Variants in NECAB3 observed in about 807,000 individuals in gnomAD.
The protein encoded by NECAB3 is N-terminal EF-hand calcium binding protein 3, also known as N-terminal EF-hand calcium-binding protein 3.
NECAB3 carries 38 observed loss-of-function variants against 57.2 expected under a neutral mutation model. The ratio of observed to expected loss-of-function variants is 0.66; its 90% CI spans 0.51 to 0.87. The LOEUF is 0.87. Ranked by LOEUF, NECAB3 falls within the 40% of genes least tolerant of loss-of-function variation. The pLI is 0.00. For missense variants in NECAB3, 474 were observed against 527.5 expected, an observed-to-expected ratio of 0.90 and a Z score of 0.99; for synonymous variants, 223 against 222.6, an observed-to-expected ratio of 1.00 and a Z score of -0.02.
intron 9 of NECAB3, 76 bp from the exon 10 acceptor site, chr20:33,658,630 G>C: frequency 6.2e-7 from 1 of 1,602,072 alleles, no homozygotes; most frequent in South Asian, 1.1e-5. Context: ...GGCCTCATGG[G>C]AACCCTGACC....
chr20:33,672,785 G>A (rs2017855846), intron 1 of NECAB3, among the ~76,000 whole-genome samples: 1 of 152,164 alleles, frequency 6.6e-6, no homozygotes, highest in South Asian at 2.1e-4. Flanking sequence ...TGAGGAGATG[G>A]GCCAGGTTGT....
chr20:33,663,941 T>C, intron 5 of NECAB3: 1 of 1,295,460 alleles, frequency 7.7e-7, no homozygotes, highest in Non-Finnish European at 1.0e-6. Context: ...CGGAGGCGTC[T>C]GGGCGCGGAG....
chr20:33,674,529 C>T (rs781298632), upstream of NECAB3: 1 of 488,152 alleles, frequency 2.0e-6, no homozygotes, highest in Admixed American at 6.2e-5. Flanking sequence ...AACTCCAGCG[C>T]CGCGGGCCTC....
rs754293874 is a variant in NECAB3 at position 33,659,873 on chromosome 20, C to T, written c.643+12G>A. ...TGCCTCGGCCAGGCCTCCCACCCCA[C>T]CCCAGGCGCACCTGTGTCAGAAGAG... On this transcript the variant is annotated intron_variant, in intron 7 of 11. Coordinates refer to ENST00000246190, the MANE Select transcript of NECAB3 (RefSeq NM_031232.4). The T allele has an allele frequency of 1.2e-5, 18 of 1,542,270 alleles. No homozygotes were observed. In the South Asian group the frequency reaches 1.9e-4, roughly 16 times the overall value.
intron 8 of NECAB3, 35 bp downstream of exon 8, chr20:33,659,462 G>T: frequency 1.4e-6 from 2 of 1,435,484 alleles, no homozygotes; most frequent in Non-Finnish European, 1.8e-6. Context: ...CCCCAGACAC[G>T]GCCATCCAGC....
intron 8 of NECAB3, among the ~76,000 whole-genome samples, chr20:33,659,079 C>G (rs1248836423): frequency 6.6e-6 from 1 of 152,282 alleles, no homozygotes; most frequent in Admixed American, 6.5e-5. Context: ...CATGAGCCAT[C>G]ACACCTGGCC....
At chr20:33,672,102 G>C (rs1354409180) in intron 2 of NECAB3, 16 of 484,594 alleles carry the variant, frequency 3.3e-5, no homozygotes, top group Non-Finnish European at 5.6e-5. Flanking sequence ...GCTGGTGGTT[G>C]TGAGGACAAC....
chr20:33,673,525 A>G (rs931651489), intron 1 of NECAB3, among the ~76,000 whole-genome samples: 2 of 152,086 alleles, frequency 1.3e-5, no homozygotes, highest in African/African-American at 2.4e-5. Context: ...CTGACCTGAG[A>G]CATATCCCCT....
At chr20:33,671,155 C>A (rs568686941) in intron 2 of NECAB3, among the ~76,000 whole-genome samples, 1 of 152,302 alleles carries the variant, frequency 6.6e-6, no homozygotes, top group East Asian at 1.9e-4. Context: ...GGGGACCAGC[C>A]TCACTGCAGG....
chr20:33,658,508 C>A lies in NECAB3; in HGVS notation c.1039G>T (p.Glu347Ter). Residue 347 changes from glutamate (E) to a stop codon, truncating the protein, a stop_gained, in exon 10 of 12, where the codon GAG (glutamate) becomes TAG (stop). Coordinates refer to ENST00000246190, the MANE Select transcript of NECAB3 (RefSeq NM_031232.4). LOFTEE classifies it high-confidence loss of function. ...CAGGAGGCCTCATCCTGCCAGAACTCATACAGGGTGAAGGAGGCACCGTCC... is the reference window on the plus strand; with the variant it reads ...CAGGAGGCCTCATCCTGCCAGAACTAATACAGGGTGAAGGAGGCACCGTCC... ...MLDGASFTLY[E>*]FWQDEASWRR... 1 of 1,614,076 alleles carries A rather than the reference C, an allele frequency of 6.2e-7. No homozygotes were observed. The highest frequency in any genetic ancestry group is 8.5e-7 in the Non-Finnish European group (1 of 1,179,992).
rs778443477 is a variant in NECAB3, at chr20:33,660,741, G to A, written c.388-346C>T. ...CCCAGCCACAGCTAGGCTGGGTGGG[G>A]GCTATCACGAGGTATCCAAGGGCCA... is the stretch of plus-strand genomic sequence containing the variant. On this transcript the variant is annotated intron_variant, in intron 5 of 11. Coordinates refer to ENST00000246190, the MANE Select transcript of NECAB3 (RefSeq NM_031232.4). The surrounding 1 kb of genome is among the most constrained non-coding windows in gnomAD (Gnocchi z 4.1). 2.0e-5 allele frequency among the ~76,000 whole-genome samples: 3 copies of A among 152,164 alleles called. No homozygotes were observed. The highest frequency in any genetic ancestry group is 4.4e-5 in the Non-Finnish European group (3 of 68,026).
Position 33,659,654 on chromosome 20 carries a change from T to G in NECAB3, c.722A>C (p.Lys241Thr), listed in dbSNP as rs1165514604. The change falls in exon 8 of 12, where the codon AAG becomes ACG. Residue 241 changes from lysine to threonine, a missense_variant. Transcript: ENST00000246190. ...LQELIDQLEC[K>T]VRAVGPGPHK... ...GGGCCCTGGCCCCACGGCCCTCACC[T>G]TGCACTCGAGCTGGTCGATGAGCTC... The G allele has an allele frequency of 1.9e-6, 3 of 1,611,074 alleles. No individual in the cohort carries two copies. In the Admixed American group the frequency reaches 5.0e-5, roughly 27 times the overall value.
At chr20:33,665,942 G>C (rs190902053) in intron 5 of NECAB3, among the ~76,000 whole-genome samples, 238 of 152,288 alleles carry the variant, frequency 1.6e-3, no homozygotes, top group African/African-American at 5.6e-3. Flanking sequence ...AATTAGCCGC[G>C]TATGGTGGTG....
intron 2 of NECAB3, chr20:33,672,102 G>A (rs1354409180): frequency 8.3e-6 from 4 of 484,594 alleles, no homozygotes; most frequent in African/African-American, 3.9e-5. Context: ...GCTGGTGGTT[G>A]TGAGGACAAC....
chr20:33,659,783 G>C (rs1456683041), intron 7 of NECAB3, 51 bp from the exon 8 acceptor site: 2 of 1,536,246 alleles, frequency 1.3e-6, no homozygotes, highest in Admixed American at 3.9e-5. Context: ...AGGTCCCGCA[G>C]GTGCTCAGAA....
chr20:33,658,869 G>A (rs747438159), intron 8 of NECAB3, 35 bp from the exon 9 acceptor site: 1 of 1,521,058 alleles, frequency 6.6e-7, no homozygotes, highest in Non-Finnish European at 9.1e-7. Context: ...CTGGTGCGGG[G>A]CCGGGCACAG....
At chr20:33,669,555 A>G in intron 4 of NECAB3, 83 bp from the exon 5 acceptor site, 1 of 1,556,096 alleles carries the variant, frequency 6.4e-7, no homozygotes, top group South Asian at 1.2e-5. Context: ...GGAATTCCTC[A>G]GCAGCCAAGC....
Position 33,660,253 on chromosome 20 carries a change from A to G in NECAB3, c.524+6T>C. 6.2e-7 allele frequency: 1 copy of G among 1,612,150 alleles called. No individual in the cohort carries two copies. The highest frequency in any genetic ancestry group is 8.5e-7 in the Non-Finnish European group (1 of 1,179,384). On this transcript the variant is annotated splice_donor_region_variant and intron_variant, in intron 6 of 11. Transcript: ENST00000246190. The surrounding 1 kb of genome is among the most constrained non-coding windows in gnomAD (Gnocchi z 4.1). ...AGCCCCACAGGTTGACAGCACCCTT[A>G]CATACCGCCAGCCATGGGCCTGGGC...
intron 1 of NECAB3, among the ~76,000 whole-genome samples, chr20:33,673,240 C>A (rs2017868393): frequency 6.6e-6 from 1 of 152,324 alleles, no homozygotes; most frequent in East Asian, 1.9e-4. Flanking sequence ...GCAGGCCTGG[C>A]AAGCAGGGGT....
Sources: allele counts gnomAD v4.1 joint callset (sites outside exome capture counted in the v4.1 genomes callset), GRCh38; gene constraint gnomAD v4.1.1; non-coding constraint Gnocchi (gnomAD v3.1); transcripts MANE v1.5; gene names NCBI Gene and HGNC (gene_info 2026-07-23, HGNC 2026-07-21).